The following SLC35F3 variants were observed in gnomAD, a reference collection of about 807,000 sequenced individuals.
SLC35F3 encodes the protein solute carrier family 35 member F3, also known as putative thiamine transporter SLC35F3.
A neutral mutation model predicts 49.9 loss-of-function variants in SLC35F3; 25 were observed. The ratio of observed to expected loss-of-function variants is 0.50; its 90% CI spans 0.37 to 0.70. The LOEUF is 0.70. Among genes scored for constraint, SLC35F3 ranks in the 30% least tolerant of loss-of-function variants. SLC35F3 has a pLI of 0.00. For synonymous variants in SLC35F3, 275 were observed against 265.4 expected (o/e 1.04, Z -0.35); for missense variants, 525 against 639.8 (o/e 0.82, Z 1.94).
chr1:234,238,537 A>T (rs1470707821), intron 3 of SLC35F3, among the ~76,000 whole-genome samples: 2 of 152,150 alleles, frequency 1.3e-5, no homozygotes, highest in Admixed American at 6.5e-5. Flanking sequence ...ACCAGGTCCC[A>T]CCACTCCATA....
At chr1:233,997,615 T>C (rs1663482015) in intron 2 of SLC35F3, among the ~76,000 whole-genome samples, 1 of 152,170 alleles carries the variant, frequency 6.6e-6, no homozygotes, top group Non-Finnish European at 1.5e-5. Flanking sequence ...TAAGCATCGT[T>C]CTCCCTGGGG....
At chr1:233,961,203 G>A (rs1367437079) in intron 2 of SLC35F3, among the ~76,000 whole-genome samples, 3 of 152,160 alleles carry the variant, frequency 2.0e-5, no homozygotes, top group Non-Finnish European at 2.9e-5. Context: ...ACGAGTATCC[G>A]CTGAATGCTC....
chr1:234,306,760 C>T (rs1420683052), intron 3 of SLC35F3, among the ~76,000 whole-genome samples: 1 of 152,180 alleles, frequency 6.6e-6, no homozygotes, highest in Non-Finnish European at 1.5e-5. Context: ...TGTGCCCTAC[C>T]TCCCTTCTCC....
At chr1:234,123,294 G>C (rs1665602747) in intron 2 of SLC35F3, among the ~76,000 whole-genome samples, 1 of 152,122 alleles carries the variant, frequency 6.6e-6, no homozygotes, top group Non-Finnish European at 1.5e-5. Context: ...AATATCCTTT[G>C]CCCACTTTTT....
chr1:234,137,572 G>T (rs12126340), intron 2 of SLC35F3, among the ~76,000 whole-genome samples: 59,487 of 151,978 alleles, frequency 0.39, 14,565 homozygotes, highest in Non-Finnish European at 0.55. Flanking sequence ...TTGAATGAAA[G>T]GAAAGAGAGA....
intron 3 of SLC35F3, among the ~76,000 whole-genome samples, chr1:234,247,189 T>C (rs571035710): frequency 1.3e-5 from 2 of 152,342 alleles, no homozygotes; most frequent in East Asian, 3.9e-4. Context: ...AGAAACTCTG[T>C]GTGGCAGGGA....
At chr1:234,144,866 A>G (rs903394274) in intron 2 of SLC35F3, among the ~76,000 whole-genome samples, 5 of 152,206 alleles carry the variant, frequency 3.3e-5, no homozygotes, top group African/African-American at 7.2e-5. Flanking sequence ...CACAGAGAAC[A>G]GAGATGGTCA....
chr1:234,164,007 C>CAA (rs11374565), intron 2 of SLC35F3, among the ~76,000 whole-genome samples: 55 of 148,808 alleles, frequency 3.7e-4, no homozygotes, highest in African/African-American at 1.2e-3. Context: ...CTTCCTAATG[C>CAA]AAAAAAAAAG....
chr1:234,056,854 G>A (rs1664463339), intron 2 of SLC35F3, among the ~76,000 whole-genome samples: 1 of 152,152 alleles, frequency 6.6e-6, no homozygotes, highest in Admixed American at 6.5e-5. Flanking sequence ...ATGTGAGAAA[G>A]GGTCTAACTC....
intron 3 of SLC35F3, among the ~76,000 whole-genome samples, chr1:234,278,893 G>T (rs529678866): frequency 6.6e-6 from 1 of 152,290 alleles, no homozygotes; most frequent in South Asian, 2.1e-4. Flanking sequence ...CACACTGGGG[G>T]TTAGGATTCA....
At chr1:234,139,954 TAA>T (rs1343916377) in intron 2 of SLC35F3, among the ~76,000 whole-genome samples, 1 of 114,332 alleles carries the variant, frequency 8.7e-6, no homozygotes, top group African/African-American at 4.0e-5. Flanking sequence ...CTCAAAATAA[TAA>T]AATAAAATAA....
At position 233,935,871 on chromosome 1, in the gene SLC35F3, C is replaced by G. The variant is rs1252965974; in HGVS notation, c.283+30113C>G. Among the ~76,000 whole-genome samples the G allele has an allele frequency of 2.0e-5, 3 of 152,304 alleles. No homozygotes were observed. The East Asian group carries it at 5.8e-4, about 29-fold the overall frequency. Reference sequence around the variant, plus strand: ...TTGTTACTCATTGGTATGGATGCCTCCTTTTTCATTCATCCTCTGCTAAAG... The same window carrying G: ...TTGTTACTCATTGGTATGGATGCCTGCTTTTTCATTCATCCTCTGCTAAAG... On this transcript the variant is annotated intron_variant, in intron 2 of 7. Transcript: ENST00000366618.
In SLC35F3 at chr1:234,142,099, C is replaced by G. The variant is rs1007868610; in HGVS notation, c.284-89318C>G. Among the ~76,000 whole-genome samples, 4 of 152,294 alleles carry G rather than the reference C, an allele frequency of 2.6e-5. No individual in the cohort carries two copies. In the East Asian group the frequency reaches 7.7e-4, roughly 29 times the overall value. ...AGGAAGATCATCGAAAGACTAAGCTCATGCTACTAGAAGGCAGAGTAAAGA... is the reference window on the plus strand; with the variant it reads ...AGGAAGATCATCGAAAGACTAAGCTGATGCTACTAGAAGGCAGAGTAAAGA... On this transcript the variant is annotated intron_variant, in intron 2 of 7. Coordinates refer to ENST00000366618, the MANE Select transcript of SLC35F3 (RefSeq NM_173508.4).
intron 2 of SLC35F3, among the ~76,000 whole-genome samples, chr1:234,147,616 T>C (rs1379858003): frequency 6.6e-6 from 1 of 152,206 alleles, no homozygotes; most frequent in Non-Finnish European, 1.5e-5. Flanking sequence ...TGGTAATTTT[T>C]TGGATAAAGG....
intron 3 of SLC35F3, among the ~76,000 whole-genome samples, chr1:234,250,549 G>A (rs1667721012): frequency 6.6e-6 from 1 of 150,830 alleles, no homozygotes; most frequent in Admixed American, 6.6e-5. Context: ...AGCTACTTGG[G>A]AGGCTGAGGC....
chr1:234,267,730 C>G (rs1416419680), intron 3 of SLC35F3, among the ~76,000 whole-genome samples: 1 of 151,388 alleles, frequency 6.6e-6, no homozygotes, highest in African/African-American at 2.4e-5. Context: ...GGGCTCCTCA[C>G]TTCTCAGACG....
intron 3 of SLC35F3, among the ~76,000 whole-genome samples, chr1:234,254,405 C>T (rs1667785621): frequency 6.6e-6 from 1 of 152,180 alleles, no homozygotes; most frequent in South Asian, 2.1e-4. Flanking sequence ...GTGGGTTTTA[C>T]TTTTTTGGTG....
chr1:234,103,430 G>A (rs1254080000), intron 2 of SLC35F3, among the ~76,000 whole-genome samples: 1 of 152,156 alleles, frequency 6.6e-6, no homozygotes, highest in Non-Finnish European at 1.5e-5. Context: ...TCCACAGGCT[G>A]TGCATGAGCA....
intron 2 of SLC35F3, among the ~76,000 whole-genome samples, chr1:234,152,341 C>A (rs964432218): frequency 6.6e-6 from 1 of 151,810 alleles, no homozygotes; most frequent in African/African-American, 2.4e-5. Context: ...CTCATTAACC[C>A]GTCATCTACG....
Sources: allele counts gnomAD v4.1 joint callset (sites outside exome capture counted in the v4.1 genomes callset), GRCh38; gene constraint gnomAD v4.1.1; transcripts MANE v1.5; gene names NCBI Gene and HGNC (gene_info 2026-07-23, HGNC 2026-07-21).